GCA: variants seen among roughly 807,000 people sequenced by gnomAD.
GCA encodes grancalcin.
A neutral mutation model predicts 32.6 loss-of-function variants in GCA; 30 were observed. That is an observed-to-expected ratio of 0.92 (90% CI 0.69 to 1.25). GCA has a LOEUF of 1.25. Ranked by LOEUF, GCA falls within the 50% of genes most tolerant of loss-of-function variation. GCA has a pLI of 0.00. For synonymous variants in GCA, 102 were observed against 84.6 expected (o/e 1.21, Z -1.13); for missense variants, 291 against 266.8 (o/e 1.09, Z -0.63).
At position 162,323,321 on chromosome 2, in the gene GCA, T is replaced by C. The variant is rs6752684; in HGVS notation, c.-31+4096T>C. On this transcript the variant is annotated intron_variant, in intron 1 of 4. Coordinates refer to the GCA transcript ENST00000429691. ...TTCTGGATATTAGCCCTTTGTCGGATGAGTAGGTTGCGAAAATTTTCTCCC... is the reference window on the plus strand; with the variant it reads ...TTCTGGATATTAGCCCTTTGTCGGACGAGTAGGTTGCGAAAATTTTCTCCC... Among the ~76,000 whole-genome samples, 640 of 151,962 alleles carry C rather than the reference T, an allele frequency of 4.2e-3. 11 individuals are homozygous for C. Among genetic ancestry groups the C allele is most frequent in the African/African-American group, 0.015 (605 of 41,208 alleles).
intron 5 of GCA, 190 bp downstream of exon 5, chr2:162,357,095 T>G: frequency 2.2e-6 from 1 of 457,148 alleles, no homozygotes; most frequent in African/African-American, 2.0e-5. Flanking sequence ...ATTATGATTT[T>G]TTTCAAAAGA....
intron 3 of GCA, 96 bp downstream of exon 3, chr2:162,352,503 C>G (rs1029717308): frequency 9.2e-6 from 7 of 761,318 alleles, no homozygotes; most frequent in Non-Finnish European, 1.6e-5. Context: ...AAAATTATCA[C>G]AGTTATACAT....
exon 1 of GCA, chr2:162,319,225 G>A (rs1683580060): frequency 2.2e-6 from 1 of 457,004 alleles, no homozygotes; most frequent in Non-Finnish European, 4.4e-6. Context: ...GGAATTTGGA[G>A]GTGGGTTCGA....
At chr2:162,344,115 G>C, upstream of GCA, 1 of 885,818 alleles carries the variant, frequency 1.1e-6, no homozygotes, top group Non-Finnish European at 1.8e-6. Flanking sequence ...GGGTTCGGAG[G>C]AGTGAACTGT....
chr2:162,344,498 A>T lies in GCA; in HGVS notation c.27+223A>T, dbSNP rs1576278463. 3 of 577,396 alleles carry T rather than the reference A, an allele frequency of 5.2e-6. No individual in the cohort carries two copies. In the East Asian group the frequency reaches 8.5e-5, roughly 16 times the overall value. The allele number at this position is 577,396 out of a possible 1,614,324, so 35.8% of individuals were successfully genotyped here. On this transcript the variant is annotated intron_variant, in intron 1 of 7. Transcript: ENST00000437150. ...TTCTGGTCGTTGAGGACCCTCGAGGAGCGTCCTGGTGGAGCCGAGGGAGTA... is the reference window on the plus strand; with the variant it reads ...TTCTGGTCGTTGAGGACCCTCGAGGTGCGTCCTGGTGGAGCCGAGGGAGTA...
chr2:162,346,421 A>G (rs1684711171), intron 1 of GCA, among the ~76,000 whole-genome samples: 1 of 152,190 alleles, frequency 6.6e-6, no homozygotes, highest in Non-Finnish European at 1.5e-5. Context: ...CCAATTCTTT[A>G]CCACTCCCCT....
chr2:162,354,939 TTC>T (rs1685192417), intron 3 of GCA, among the ~76,000 whole-genome samples: 1 of 152,190 alleles, frequency 6.6e-6, no homozygotes, highest in Non-Finnish European at 1.5e-5. Flanking sequence ...CACATTCCTA[TTC>T]TGAGATTGAA....
At chr2:162,373,578 A>G (rs1686046016), downstream of GCA, 4 of 1,590,520 alleles carry the variant, frequency 2.5e-6, no homozygotes, top group Non-Finnish European at 3.4e-6. Flanking sequence ...CTGTTACCAT[A>G]CTGTAGGCTG....
downstream of GCA, among the ~76,000 whole-genome samples, chr2:162,365,143 C>T (rs1034310160): frequency 2.0e-5 from 3 of 151,402 alleles, no homozygotes; most frequent in African/African-American, 7.3e-5. Context: ...TCCTACTTAG[C>T]TAATGAGATT....
intron 1 of GCA, among the ~76,000 whole-genome samples, chr2:162,331,668 T>G (rs1684089427): frequency 6.6e-6 from 1 of 152,208 alleles, no homozygotes; most frequent in African/African-American, 2.4e-5. Flanking sequence ...TCTGTACCCT[T>G]GATCTTGGAC....
At chr2:162,355,790 C>T (rs1255329558) in intron 3 of GCA, among the ~76,000 whole-genome samples, 1 of 151,454 alleles carries the variant, frequency 6.6e-6, no homozygotes, top group Non-Finnish European at 1.5e-5. Flanking sequence ...TTCAGATGCT[C>T]ATTTTTTCTT....
At chr2:162,348,028 A>G (rs1211955374) in intron 2 of GCA, among the ~76,000 whole-genome samples, 1 of 152,146 alleles carries the variant, frequency 6.6e-6, no homozygotes, top group Non-Finnish European at 1.5e-5. Context: ...CGTTACTGAA[A>G]TTCTTCTACA....
chr2:162,321,895 TATATATA>T (rs1250706737), intron 1 of GCA, among the ~76,000 whole-genome samples: 1 of 54,462 alleles, frequency 1.8e-5, no homozygotes, highest in Non-Finnish European at 3.2e-5. Context: ...TATATATATA[TATATATA>T]TATATATATA....
chr2:162,334,142 C>T (rs974212737), intron 1 of GCA, among the ~76,000 whole-genome samples: 3 of 152,160 alleles, frequency 2.0e-5, no homozygotes, highest in Admixed American at 2.0e-4. Flanking sequence ...CTCCACACTG[C>T]GACTCACAGA....
chr2:162,352,161 A>G (rs1685033882), intron 2 of GCA, among the ~76,000 whole-genome samples, 177 bp from the exon 3 acceptor site: 1 of 152,200 alleles, frequency 6.6e-6, no homozygotes, highest in South Asian at 2.1e-4. Flanking sequence ...TTTCTGTGGT[A>G]TGATATTTTG....
upstream of GCA, among the ~76,000 whole-genome samples, chr2:162,341,050 G>A (rs1199754465): frequency 1.3e-5 from 2 of 151,402 alleles, no homozygotes; most frequent in South Asian, 2.1e-4. Context: ...ACTTACTATT[G>A]TCTGTTCTCC....
chr2:162,335,744 A>G (rs1684249166), intron 1 of GCA, among the ~76,000 whole-genome samples: 1 of 152,194 alleles, frequency 6.6e-6, no homozygotes, highest in Non-Finnish European at 1.5e-5. Context: ...TGCAAAGGAG[A>G]AACTGAGATT....
chr2:162,342,915 T>C (rs1024779581), upstream of GCA, among the ~76,000 whole-genome samples: 10 of 152,246 alleles, frequency 6.6e-5, no homozygotes, highest in African/African-American at 2.4e-4. Context: ...CCCCTCTATT[T>C]ATTTATGCCA....
exon 5 of GCA, chr2:162,371,425 GAA>G (rs1480889962): frequency 1.0e-4 from 130 of 1,287,790 alleles, no homozygotes; most frequent in Non-Finnish European, 1.3e-4. Flanking sequence ...AGGATCATCT[GAA>G]TTTGAGTTGC....
Sources: gnomAD v4.1 joint callset for allele counts (sites outside exome capture counted in the v4.1 genomes callset) on GRCh38, gnomAD v4.1.1 for gene constraint, MANE v1.5 for transcripts, NCBI Gene and HGNC (gene_info 2026-07-23, HGNC 2026-07-21) for gene names.